Variants in METTL15 observed in about 807,000 individuals in gnomAD.
METTL15 encodes the protein 12S rRNA N(4)-cytidine methyltransferase METTL15.
A neutral mutation model predicts 38.3 loss-of-function variants in METTL15; 34 were observed. That is an observed-to-expected ratio of 0.89 (90% CI 0.68 to 1.18). The LOEUF (loss-of-function observed/expected upper bound fraction) is 1.18, where lower values mean the gene tolerates loss of function less well. Among genes scored for constraint, METTL15 ranks in the 50% most tolerant of loss-of-function variants. The pLI is 0.00. For missense variants in METTL15, 438 were observed against 498.4 expected (o/e 0.88, Z 1.15); for synonymous variants, 162 against 170.9 (o/e 0.95, Z 0.41).
intron 4 of METTL15, among the ~76,000 whole-genome samples, chr11:28,262,193 T>G (rs1471381372): frequency 6.6e-6 from 1 of 152,086 alleles, no homozygotes; most frequent in East Asian, 1.9e-4. Context: ...GACCTAGTGC[T>G]AGAAAGTTTT....
intron 3 of METTL15, among the ~76,000 whole-genome samples, chr11:28,193,331 G>T (rs905334849): frequency 1.1e-4 from 17 of 152,196 alleles, no homozygotes; most frequent in African/African-American, 4.1e-4. Context: ...GAGAACTCAG[G>T]AAACTTACAG....
chr11:28,340,733 T>G (rs906439198), intron 3 of METTL15, among the ~76,000 whole-genome samples: 5 of 152,134 alleles, frequency 3.3e-5, no homozygotes, highest in African/African-American at 1.2e-4. Flanking sequence ...GGAGTGTAAA[T>G]TAGTTCAACT....
intron 5 of METTL15, among the ~76,000 whole-genome samples, chr11:28,292,572 C>G (rs945467487): frequency 1.3e-5 from 2 of 152,018 alleles, no homozygotes; most frequent in African/African-American, 4.8e-5. Flanking sequence ...GGGTATATAC[C>G]CAGTAATGAG....
intron 3 of METTL15, among the ~76,000 whole-genome samples, chr11:28,154,216 A>G (rs116888208): frequency 7.9e-4 from 121 of 152,242 alleles, no homozygotes; most frequent in Non-Finnish European, 1.5e-3. Flanking sequence ...TTGAGGACAA[A>G]TCTATGTTCT....
chr11:28,525,958 C>T (rs1443213769), intron 6 of METTL15, among the ~76,000 whole-genome samples: 4 of 152,222 alleles, frequency 2.6e-5, no homozygotes, highest in Non-Finnish European at 5.9e-5. Context: ...GGGGAGGCAG[C>T]TAAGGCCCGG....
intron 6 of METTL15, among the ~76,000 whole-genome samples, chr11:28,498,101 G>T (rs1175407949): frequency 6.6e-6 from 1 of 150,866 alleles, no homozygotes; most frequent in Non-Finnish European, 1.5e-5. Context: ...GGAAGGCATA[G>T]CTGTCATGAC....
chr11:28,132,675 A>G (rs1427273948), intron 3 of METTL15, among the ~76,000 whole-genome samples: 3 of 152,156 alleles, frequency 2.0e-5, no homozygotes, highest in African/African-American at 7.2e-5. Flanking sequence ...GAAAATTCAC[A>G]TTGGGGTAGC....
intron 3 of METTL15, among the ~76,000 whole-genome samples, chr11:28,184,351 T>TA (rs1314131701): frequency 6.6e-6 from 1 of 152,058 alleles, no homozygotes; most frequent in Non-Finnish European, 1.5e-5. Flanking sequence ...ATTGTGATGT[T>TA]AGAGTGTCAA....
chr11:28,485,203 A>G (rs1302811198), intron 6 of METTL15, among the ~76,000 whole-genome samples: 2 of 152,024 alleles, frequency 1.3e-5, no homozygotes, highest in East Asian at 3.9e-4. Context: ...TTTGAAGGAA[A>G]GTAAGACTAA....
Position 28,331,501 on chromosome 11 carries a change from C to T in METTL15, c.*660C>T, listed in dbSNP as rs1849814218. 6.6e-6 allele frequency: 1 copy of T among 152,012 alleles called. No homozygotes were observed. Among genetic ancestry groups the T allele is most frequent in the African/African-American group, 2.4e-5 (1 of 41,414 alleles). The allele number at this position is 152,012 out of a possible 1,614,324, so 9.4% of individuals were successfully genotyped here. ...CCTTACAGAGAATTGTTTCACAAAA[C>T]TTATATTTCATGTCAATTGTATTTA... On this transcript the variant is annotated 3_prime_UTR_variant, in exon 7 of 7. Coordinates refer to ENST00000407364, the MANE Select transcript of METTL15 (RefSeq NM_001113528.2).
intron 4 of METTL15, among the ~76,000 whole-genome samples, chr11:28,269,053 A>G (rs1041635447): frequency 6.6e-6 from 1 of 152,206 alleles, no homozygotes; most frequent in African/African-American, 2.4e-5. Context: ...TTGCATAGCG[A>G]CAATATGTTT....
intron 5 of METTL15, among the ~76,000 whole-genome samples, chr11:28,371,366 A>G (rs1189843383): frequency 6.6e-6 from 1 of 151,964 alleles, no homozygotes; most frequent in East Asian, 1.9e-4. Flanking sequence ...TGGGATACCT[A>G]TTCTATTCCT....
chr11:28,468,064 C>T (rs1851272435), intron 6 of METTL15, among the ~76,000 whole-genome samples: 1 of 2,666 alleles, frequency 3.8e-4, no homozygotes, highest in South Asian at 0.036. Flanking sequence ...TAAACCACAT[C>T]TCAGCCATTT....
At chr11:28,218,309 T>C (rs1463633655) in intron 4 of METTL15, among the ~76,000 whole-genome samples, 3 of 152,210 alleles carry the variant, frequency 2.0e-5, no homozygotes, top group Non-Finnish European at 4.4e-5. Context: ...TGTGTTATTC[T>C]CTTTGAAGCA....
At chr11:28,375,777 C>T (rs1464229418) in intron 5 of METTL15, among the ~76,000 whole-genome samples, 1 of 151,960 alleles carries the variant, frequency 6.6e-6, no homozygotes, top group Non-Finnish European at 1.5e-5. Context: ...AATTTTGGAT[C>T]TTTCCTGCTT....
chr11:28,385,476 T>A (rs1850430353), intron 5 of METTL15, among the ~76,000 whole-genome samples: 1 of 152,146 alleles, frequency 6.6e-6, no homozygotes, highest in African/African-American at 2.4e-5. Context: ...ATTTCTGTGC[T>A]CTTTATTTTG....
chr11:28,470,110 G>C (rs942951952), intron 6 of METTL15, among the ~76,000 whole-genome samples: 1 of 152,076 alleles, frequency 6.6e-6, no homozygotes. Context: ...GTGGTAGCAG[G>C]CCATTGGTAA....
intron 3 of METTL15, among the ~76,000 whole-genome samples, chr11:28,114,384 G>A (rs566873349): frequency 6.6e-6 from 1 of 152,268 alleles, no homozygotes; most frequent in East Asian, 1.9e-4. Context: ...ACCAAATGAT[G>A]AGCATTTATA....
intron 3 of METTL15, among the ~76,000 whole-genome samples, chr11:28,193,104 A>G (rs556117532): frequency 2.6e-5 from 4 of 152,116 alleles, no homozygotes; most frequent in Admixed American, 1.3e-4. Flanking sequence ...AAGCCATTCT[A>G]TCTCAGGAGA....
Sources: gnomAD v4.1 joint callset for allele counts (sites outside exome capture counted in the v4.1 genomes callset) on GRCh38, gnomAD v4.1.1 for gene constraint, MANE v1.5 for transcripts, NCBI Gene and HGNC (gene_info 2026-07-23, HGNC 2026-07-21) for gene names.